CRYBG2: variants seen among roughly 807,000 people sequenced by gnomAD.
CRYBG2 encodes the protein crystallin beta-gamma domain containing 2.
A neutral mutation model predicts 153.4 loss-of-function variants in CRYBG2; 106 were observed. That is an observed-to-expected ratio of 0.69 (90% CI 0.59 to 0.81). The LOEUF (loss-of-function observed/expected upper bound fraction) is 0.81. Among genes scored for constraint, CRYBG2 ranks in the 30% least tolerant of loss-of-function variants. The pLI, the probability that CRYBG2 is intolerant of heterozygous loss-of-function variation, is 0.00. For missense variants in CRYBG2, 1,996 were observed against 2,112.0 expected, an observed-to-expected ratio of 0.95 and a Z score of 1.08; for synonymous variants, 851 against 877.8, an observed-to-expected ratio of 0.97 and a Z score of 0.54.
At chr1:26,331,697 G>T in intron 14 of CRYBG2, 79 bp from the exon 15 acceptor site, 1 of 1,564,928 alleles carries the variant, frequency 6.4e-7, no homozygotes. Flanking sequence ...ATACAGAAGA[G>T]GGAATGCAGA....
In CRYBG2 at chr1:26,343,671, C is replaced by T; in HGVS notation, c.2913+74G>A. 1.4e-6 allele frequency: 2 copies of T among 1,421,176 alleles called. No individual in the cohort carries two copies. Among genetic ancestry groups the T allele is most frequent in the Non-Finnish European group, 1.8e-6 (2 of 1,083,658 alleles). The allele number at this position is 1,421,176 out of a possible 1,614,324, so 88.0% of individuals were successfully genotyped here. A position where few individuals can be genotyped will look rare whatever the true frequency, so the allele number is the denominator to read the frequency against. On this transcript the variant is annotated intron_variant, in intron 2 of 19. Coordinates refer to ENST00000308182, the MANE Select transcript of CRYBG2 (RefSeq NM_001039775.4). The surrounding 1 kb of genome is among the most constrained non-coding windows in gnomAD (Gnocchi z 4.1). ...CCCCAGACTCTGACTCCCAGCACCA[C>T]TCTCTTCACACCACTCAAGCCTTGA...
rs2074057108 is a variant in CRYBG2 at position 26,336,470 on chromosome 1, C to T, written c.4039-100G>A. 2.6e-6 allele frequency: 4 copies of T among 1,552,932 alleles called. No homozygotes were observed. Among genetic ancestry groups the T allele is most frequent in the African/African-American group, 1.4e-5 (1 of 73,010 alleles). Reference sequence around the variant, plus strand: ...GTCCACCCCGCGGCCGCGCCCTCGGCCCCGCCCCCTTCTAAGGCCCCGCCC... The same window carrying T: ...GTCCACCCCGCGGCCGCGCCCTCGGTCCCGCCCCCTTCTAAGGCCCCGCCC... On this transcript the variant is annotated intron_variant, in intron 12 of 19. Coordinates refer to ENST00000308182, the MANE Select transcript of CRYBG2 (RefSeq NM_001039775.4). This position sits in a 1 kb window ranked among gnomAD's most constrained non-coding sequence, Gnocchi z 4.9.
At chr1:26,352,285 G>A (rs1190573941) in intron 1 of CRYBG2, among the ~76,000 whole-genome samples, 1 of 151,690 alleles carries the variant, frequency 6.6e-6, no homozygotes, top group African/African-American at 2.4e-5. Flanking sequence ...ACACAACCAG[G>A]GACACACACA....
At chr1:26,334,274 A>C (rs1462375844) in intron 14 of CRYBG2, among the ~76,000 whole-genome samples, 1 of 152,158 alleles carries the variant, frequency 6.6e-6, no homozygotes, top group Non-Finnish European at 1.5e-5. Context: ...AAAGTTAAAA[A>C]ATTAGCCGGG....
chr1:26,345,794 G>A lies in CRYBG2; in HGVS notation c.864C>T (p.Ser288=), dbSNP rs1270522739. 6.3e-7 allele frequency: 1 copy of A among 1,596,724 alleles called. No individual in the cohort carries two copies. The highest frequency in any genetic ancestry group is 1.3e-5 in the African/African-American group (1 of 75,034). Residue 288 remains serine (S), a synonymous_variant, in exon 2 of 20, where the codon AGC becomes AGT. Transcript: ENST00000308182. Reference sequence around the variant, plus strand: ...GGATGCCTGTAGAGGCCAGGGCAGAGCTGTCTTTAAGCTCTGCTGTCCCGG... The same window carrying A: ...GGATGCCTGTAGAGGCCAGGGCAGAACTGTCTTTAAGCTCTGCTGTCCCGG... ...PETGTAELKD[S]SALASTGIPA...
chr1:26,343,194 C>T lies in CRYBG2; in HGVS notation c.2962-35G>A. ...CACAGAAGGGGTCCTCAGGCCCTGA[C>T]CCCAGGCCCCTGCATCCTGCTGCCC... is the stretch of plus-strand genomic sequence containing the variant. On this transcript the variant is annotated intron_variant, in intron 3 of 19. Coordinates refer to ENST00000308182, the MANE Select transcript of CRYBG2 (RefSeq NM_001039775.4). The surrounding 1 kb of genome is among the most constrained non-coding windows in gnomAD (Gnocchi z 4.1). The T allele has an allele frequency of 6.4e-7, 1 of 1,550,586 alleles. No homozygotes were observed. Among genetic ancestry groups the T allele is most frequent in the Non-Finnish European group, 8.7e-7 (1 of 1,146,940 alleles).
At chr1:26,326,926 T>A in intron 17 of CRYBG2, 1 of 489,252 alleles carries the variant, frequency 2.0e-6, no homozygotes, top group South Asian at 1.5e-5. Flanking sequence ...CTATGGTGGT[T>A]CCAGGTATGC....
chr1:26,323,085 C>CT (rs35042014), intron 18 of CRYBG2, among the ~76,000 whole-genome samples: 101,733 of 145,484 alleles, frequency 0.7, 37,016 homozygotes, highest in Non-Finnish European at 0.82. Flanking sequence ...TTCTATTCTC[C>CT]TTTTTTTTTT....
chr1:26,351,190 C>G (rs1283871514), intron 1 of CRYBG2, among the ~76,000 whole-genome samples: 1 of 151,926 alleles, frequency 6.6e-6, no homozygotes, highest in East Asian at 1.9e-4. Context: ...CACTGAGGCC[C>G]CAGCCCACTC....
rs1378571572 is a variant in CRYBG2 at position 26,325,667 on chromosome 1, G to C, written c.4579-1357C>G. ...TCATCACCAGAGCACACAGATGCAT[G>C]GACACAAATAACCTGATGAGCACAG... On this transcript the variant is annotated intron_variant, in intron 17 of 19. Coordinates refer to ENST00000308182, the MANE Select transcript of CRYBG2 (RefSeq NM_001039775.4). This position sits in a 1 kb window ranked among gnomAD's most constrained non-coding sequence, Gnocchi z 4.1. 6.6e-6 allele frequency among the ~76,000 whole-genome samples: 1 copy of C among 150,978 alleles called. No homozygotes were observed. Among genetic ancestry groups the C allele is most frequent in the African/African-American group, 2.4e-5 (1 of 40,964 alleles).
At position 26,324,266 on chromosome 1, in the gene CRYBG2, G is replaced by A; in HGVS notation, c.4623C>T (p.Phe1541=). Residue 1541 remains phenylalanine (F), a synonymous_variant, in exon 18 of 20, where the codon TTC becomes TTT. Coordinates refer to ENST00000308182, the MANE Select transcript of CRYBG2 (RefSeq NM_001039775.4). ...CCTCCACATGGTCCGGCACTGCCAG[G>A]AATCCCCCCAGTGCTGCATTCCAGA... is the stretch of plus-strand genomic sequence containing the variant. The part of the protein sequence containing the change: ...FRLWNAALGG[F]LAVPDHVEDM... 1 of 1,611,660 alleles carries A rather than the reference G, an allele frequency of 6.2e-7. No homozygotes were observed. The highest frequency in any genetic ancestry group is 8.5e-7 in the Non-Finnish European group (1 of 1,179,928).
chr1:26,353,662 T>C (rs895948040), intron 1 of CRYBG2, among the ~76,000 whole-genome samples: 2 of 152,042 alleles, frequency 1.3e-5, no homozygotes, highest in African/African-American at 4.8e-5. Flanking sequence ...CCCAGAGAGG[T>C]TAAGCAACTC....
At chr1:26,350,636 C>G (rs564082270) in intron 1 of CRYBG2, among the ~76,000 whole-genome samples, 1 of 152,248 alleles carries the variant, frequency 6.6e-6, no homozygotes, top group African/African-American at 2.4e-5. Flanking sequence ...ATATATGTAT[C>G]CTATAACTGA....
At position 26,346,259 on chromosome 1, in the gene CRYBG2, T is replaced by C; in HGVS notation, c.399A>G (p.Pro133=). 3 of 1,586,688 alleles carry C rather than the reference T, an allele frequency of 1.9e-6. No homozygotes were observed. The highest frequency in any genetic ancestry group is 2.6e-6 in the Non-Finnish European group (3 of 1,172,194). The stretch of plus-strand genomic sequence containing the variant: ...CAGTCCTGGCCATAGCTCCCACACA[T>C]GGGGGCTCAGTCCTGGGAGCTTGGC... ...GSRQAPRTEP[P]CVGAMARTEL... is the part of the protein sequence containing the mutation. The change falls in exon 2 of 20, where the codon CCA becomes CCG. Residue 133 remains proline (P), a synonymous_variant. Coordinates refer to ENST00000308182, the MANE Select transcript of CRYBG2 (RefSeq NM_001039775.4). The surrounding 1 kb of genome is among the most constrained non-coding windows in gnomAD (Gnocchi z 4.9).
rs375854987 is a variant in CRYBG2 at position 26,346,142 on chromosome 1, G to A, written c.516C>T (p.Tyr172=). 41 of 1,558,078 alleles carry A rather than the reference G, an allele frequency of 2.6e-5. 1 individual carries two copies. In the African/African-American group the frequency reaches 5.0e-4, roughly 19 times the overall value. Residue 172 remains tyrosine, a synonymous_variant, in exon 2 of 20, where the codon TAC becomes TAT. Coordinates refer to ENST00000308182, the MANE Select transcript of CRYBG2 (RefSeq NM_001039775.4). This position sits in a 1 kb window ranked among gnomAD's most constrained non-coding sequence, Gnocchi z 4.9. ...TGGTCCGCACAGTGCGTGTCACTCG[G>A]TATTCCTCGAGGCTCCGGGAGCTAC... ...TSGSSRSLEE[Y]RVTRTVRTTT...
At chr1:26,350,610 C>CA (rs1347055663) in intron 1 of CRYBG2, among the ~76,000 whole-genome samples, 1 of 152,140 alleles carries the variant, frequency 6.6e-6, no homozygotes, top group Non-Finnish European at 1.5e-5. Flanking sequence ...GCTCACTCAC[C>CA]ATACCAAACT....
In CRYBG2 at chr1:26,336,487, G is replaced by A. The variant is rs2074057673; in HGVS notation, c.4039-117C>T. On this transcript the variant is annotated intron_variant, in intron 12 of 19. Transcript: ENST00000308182. The surrounding 1 kb of genome is among the most constrained non-coding windows in gnomAD (Gnocchi z 4.9). Reference sequence around the variant, plus strand: ...GCCCTCGGCCCCGCCCCCTTCTAAGGCCCCGCCCCAAGCGCCCAGGCAGGT... The same window carrying A: ...GCCCTCGGCCCCGCCCCCTTCTAAGACCCCGCCCCAAGCGCCCAGGCAGGT... 6.5e-7 allele frequency: 1 copy of A among 1,546,790 alleles called. No individual in the cohort carries two copies. The highest frequency in any genetic ancestry group is 8.7e-7 in the Non-Finnish European group (1 of 1,143,958).
chr1:26,352,165 G>A (rs1295912820), intron 1 of CRYBG2, among the ~76,000 whole-genome samples: 3 of 152,046 alleles, frequency 2.0e-5, no homozygotes, highest in African/African-American at 7.2e-5. Context: ...CCACATGCAG[G>A]CAAACACATG....
At chr1:26,350,887 C>T (rs537711216) in intron 1 of CRYBG2, among the ~76,000 whole-genome samples, 26 of 152,346 alleles carry the variant, frequency 1.7e-4, no homozygotes, top group African/African-American at 6.3e-4. Flanking sequence ...ACTCCCCTCC[C>T]CCATTTCCCA....
Sources: gnomAD v4.1 joint callset for allele counts (sites outside exome capture counted in the v4.1 genomes callset) on GRCh38, gnomAD v4.1.1 for gene constraint, Gnocchi (gnomAD v3.1) non-coding constraint, MANE v1.5 for transcripts, NCBI Gene and HGNC (gene_info 2026-07-23, HGNC 2026-07-21) for gene names.